BEAN1: variants seen among roughly 807,000 people sequenced by gnomAD.
BEAN1 encodes brain expressed associated with NEDD4 1, also known as protein BEAN1.
Under a neutral mutation model 17.7 loss-of-function variants are expected in BEAN1, and 17 were observed. That is an observed-to-expected ratio of 0.96 (90% CI 0.66 to 1.44). BEAN1 has a LOEUF of 1.44. Among genes scored for constraint, BEAN1 ranks in the 40% most tolerant of loss-of-function variants. The pLI, the probability that BEAN1 is intolerant of heterozygous loss-of-function variation, is 0.00. For synonymous variants in BEAN1, 142 were observed against 151.8 expected (o/e 0.94, Z 0.47); for missense variants, 359 against 374.1 (o/e 0.96, Z 0.33).
chr16:66,444,453 G>A (rs1962369993), intron 2 of BEAN1, among the ~76,000 whole-genome samples: 1 of 152,188 alleles, frequency 6.6e-6, no homozygotes, highest in Non-Finnish European at 1.5e-5. Context: ...GGTCCCCTCG[G>A]TGGTCCCTGC....
intron 2 of BEAN1, among the ~76,000 whole-genome samples, chr16:66,445,336 C>T (rs751483493): frequency 7.3e-5 from 11 of 151,468 alleles, no homozygotes; most frequent in Non-Finnish European, 1.2e-4. Context: ...ATTAGCCGGG[C>T]GTGGTGGTGG....
chr16:66,438,022 G>C, intron 2 of BEAN1: 1 of 424,410 alleles, frequency 2.4e-6, no homozygotes, highest in Non-Finnish European at 4.3e-6. Flanking sequence ...GGCCAAGTAA[G>C]TGGGAAAAAT....
chr16:66,487,708 G>T (rs1964108287), downstream of BEAN1, among the ~76,000 whole-genome samples: 2 of 152,102 alleles, frequency 1.3e-5, no homozygotes, highest in Admixed American at 6.5e-5. Flanking sequence ...CTGAGTATGG[G>T]GACCCAGAGG....
intron 2 of BEAN1, among the ~76,000 whole-genome samples, chr16:66,441,637 C>T (rs1435094983): frequency 1.3e-5 from 2 of 152,180 alleles, no homozygotes; most frequent in African/African-American, 4.8e-5. Context: ...CAAGCCCAAA[C>T]GTTTCCCAAG....
chr16:66,435,660 T>C (rs887421005), intron 1 of BEAN1, among the ~76,000 whole-genome samples: 2 of 152,180 alleles, frequency 1.3e-5, no homozygotes, highest in Middle Eastern at 6.8e-3. Flanking sequence ...GATAATTTTT[T>C]GTATTTTTAG....
intron 2 of BEAN1, among the ~76,000 whole-genome samples, chr16:66,455,518 G>A (rs985123479): frequency 6.6e-6 from 1 of 152,098 alleles, no homozygotes; most frequent in Admixed American, 6.5e-5. Context: ...ACAGCAAAGT[G>A]GATCAGTTAC....
At chr16:66,456,677 T>C (rs934410089) in intron 2 of BEAN1, among the ~76,000 whole-genome samples, 7 of 152,368 alleles carry the variant, frequency 4.6e-5, no homozygotes, top group Non-Finnish European at 1.5e-5. Context: ...AGTTTGCCAT[T>C]TGCTCTGCAG....
At chr16:66,468,771 G>A (rs1036778362) in intron 2 of BEAN1, among the ~76,000 whole-genome samples, 4 of 152,166 alleles carry the variant, frequency 2.6e-5, no homozygotes, top group African/African-American at 7.2e-5. Context: ...GCCCATGGCT[G>A]CCCCTAGCTG....
chr16:66,473,858 C>T lies in BEAN1; in HGVS notation c.290-3702C>T, dbSNP rs1393490193. Among the ~76,000 whole-genome samples, 2 of 152,126 alleles carry T rather than the reference C, an allele frequency of 1.3e-5. No individual in the cohort carries two copies. Among genetic ancestry groups the T allele is most frequent in the Non-Finnish European group, 2.9e-5 (2 of 68,020 alleles). On this transcript the variant is annotated intron_variant, in intron 3 of 4. Coordinates refer to ENST00000536005, the MANE Select transcript of BEAN1 (RefSeq NM_001178020.3). The surrounding 1 kb of genome is among the most constrained non-coding windows in gnomAD (Gnocchi z 4.5). ...AAGCCCTCCTGGCCTCTCTCCCACC[C>T]CTCTGGCTGCGGATTCCTCTCCTCT...
At chr16:66,470,204 A>T in intron 3 of BEAN1, 1 of 435,726 alleles carries the variant, frequency 2.3e-6, no homozygotes, top group Non-Finnish European at 4.2e-6. Flanking sequence ...GGATGGATGG[A>T]TGGATGGATG....
chr16:66,444,483 G>T (rs1962371551), intron 2 of BEAN1, among the ~76,000 whole-genome samples: 1 of 152,182 alleles, frequency 6.6e-6, no homozygotes, highest in Non-Finnish European at 1.5e-5. Context: ...TGCAGGGGGA[G>T]GATGGAGGGG....
chr16:66,440,185 A>G (rs1398056407), intron 2 of BEAN1, among the ~76,000 whole-genome samples: 2 of 129,952 alleles, frequency 1.5e-5, no homozygotes, highest in African/African-American at 6.0e-5. Flanking sequence ...GCTGGAGTGC[A>G]GTGGCACGAT....
intron 2 of BEAN1, among the ~76,000 whole-genome samples, chr16:66,441,873 C>A (rs796251016): frequency 2.9e-4 from 44 of 152,306 alleles, no homozygotes; most frequent in African/African-American, 9.6e-4. Flanking sequence ...AGGCACTGCT[C>A]ACACCCCAAC....
chr16:66,454,934 T>C (rs1299105363), intron 2 of BEAN1, among the ~76,000 whole-genome samples: 1 of 152,096 alleles, frequency 6.6e-6, no homozygotes, highest in African/African-American at 2.4e-5. Context: ...GAGGCAGTCA[T>C]AGGCAAGAAC....
chr16:66,436,750 C>G (rs1297870630), intron 1 of BEAN1, among the ~76,000 whole-genome samples: 1 of 151,998 alleles, frequency 6.6e-6, no homozygotes, highest in Admixed American at 6.6e-5. Flanking sequence ...CATGAGTTAC[C>G]TTTTTAAAAT....
At chr16:66,450,407 A>G (rs1962627699) in intron 2 of BEAN1, among the ~76,000 whole-genome samples, 1 of 152,210 alleles carries the variant, frequency 6.6e-6, no homozygotes, top group East Asian at 1.9e-4. Flanking sequence ...CTATACTTCT[A>G]CTACTGCAAA....
chr16:66,484,155 A>G (rs367908963), downstream of BEAN1: 28 of 198,922 alleles, frequency 1.4e-4, 1 homozygote, highest in Middle Eastern at 6.4e-3. The surrounding 1 kb of genome is among the most constrained non-coding windows in gnomAD (Gnocchi z 4.2). Flanking sequence ...CCTGACACTT[A>G]TGTCCCCCTC....
rs1002867798 is a variant in BEAN1, at chr16:66,481,016, C to A, written c.*91C>A. On this transcript the variant is annotated 3_prime_UTR_variant, in exon 5 of 5. Transcript: ENST00000536005. The surrounding 1 kb of genome is among the most constrained non-coding windows in gnomAD (Gnocchi z 4.1). Reference sequence around the variant, plus strand: ...GCGTGCACACACACACAGAGATGCACACGTGACTCATAACACACACATAGA... The same window carrying A: ...GCGTGCACACACACACAGAGATGCAAACGTGACTCATAACACACACATAGA... 3.5e-6 allele frequency: 4 copies of A among 1,134,138 alleles called. No homozygotes were observed. Among genetic ancestry groups the A allele is most frequent in the African/African-American group, 3.1e-5 (2 of 63,704 alleles). 70.3% of individuals were successfully genotyped at this position (1,134,138 alleles called of 1,614,324 possible).
intron 1 of BEAN1, among the ~76,000 whole-genome samples, chr16:66,432,924 G>A (rs1230646042): frequency 6.6e-6 from 1 of 152,060 alleles, no homozygotes; most frequent in Non-Finnish European, 1.5e-5. Flanking sequence ...CCATCTAACA[G>A]TGCAATTCCC....
Sources: gnomAD v4.1 joint callset for allele counts (sites outside exome capture counted in the v4.1 genomes callset) on GRCh38, gnomAD v4.1.1 for gene constraint, Gnocchi (gnomAD v3.1) non-coding constraint, MANE v1.5 for transcripts, NCBI Gene and HGNC (gene_info 2026-07-23, HGNC 2026-07-21) for gene names.